Variants in HDLBP observed in about 807,000 individuals in gnomAD.
HDLBP encodes the protein vigilin.
A neutral mutation model predicts 137.3 loss-of-function variants in HDLBP; 30 were observed. That is an observed-to-expected ratio of 0.22 (90% CI 0.16 to 0.30). The LOEUF (loss-of-function observed/expected upper bound fraction) is 0.30. Among genes scored for constraint, HDLBP ranks in the 10% least tolerant of loss-of-function variants. The pLI, the probability that HDLBP is intolerant of heterozygous loss-of-function variation, is 1.00. For missense variants in HDLBP, 1,119 were observed against 1,667.3 expected, an observed-to-expected ratio of 0.67 and a Z score of 5.73; for synonymous variants, 606 against 596.0, an observed-to-expected ratio of 1.02 and a Z score of -0.24.
chr2:241,235,676 A>T, intron 21 of HDLBP, 82 bp from the exon 22 acceptor site: 1 of 929,370 alleles, frequency 1.1e-6, no homozygotes, highest in Non-Finnish European at 1.7e-6. Context: ...GCTCCACGAA[A>T]CACAAGGCAA....
At chr2:241,253,599 C>A (rs559036654) in intron 9 of HDLBP, 102 bp from the exon 10 acceptor site, 18 of 764,394 alleles carry the variant, frequency 2.4e-5, no homozygotes, top group Admixed American at 1.0e-4. Flanking sequence ...TGATCCCAAA[C>A]TGCTTCACAT....
Position 241,233,682 on chromosome 2 carries a change from G to T in HDLBP, c.3288+138C>A. 1.1e-6 allele frequency: 1 copy of T among 881,722 alleles called. No individual in the cohort carries two copies. The highest frequency in any genetic ancestry group is 1.8e-6 in the Non-Finnish European group (1 of 566,608). 54.6% of individuals were successfully genotyped at this position (881,722 alleles called of 1,614,324 possible). On this transcript the variant is annotated intron_variant, in intron 24 of 27. Coordinates refer to ENST00000310931, the MANE Select transcript of HDLBP (RefSeq NM_005336.6). This position sits in a 1 kb window ranked among gnomAD's most constrained non-coding sequence, Gnocchi z 4.3. ...GAGACACAGCCCAAACCTCAAGCCA[G>T]AATTAGGTCCTGAGAGACTTGCCAC...
In HDLBP at chr2:241,228,683, C is replaced by CGGCT. The variant is rs2069364019; in HGVS notation, c.*914_*917dup. 6.5e-6 allele frequency: 1 copy of CGGCT among 152,732 alleles called. No homozygotes were observed. 9.5% of individuals were successfully genotyped at this position (152,732 alleles called of 1,614,324 possible). ...TAACTGCACAGAGACCACTCCACGC[C>CGGCT]GGCTGAGGTAGAAAGAAGGCAACTG... On this transcript the variant is annotated 3_prime_UTR_variant, in exon 28 of 28. Transcript: ENST00000310931.
chr2:241,265,230 C>A (rs561828892), intron 3 of HDLBP, among the ~76,000 whole-genome samples: 1 of 152,306 alleles, frequency 6.6e-6, no homozygotes, highest in Non-Finnish European at 1.5e-5. Context: ...ACCAGCCTGA[C>A]CAACATGGAG....
intron 2 of HDLBP, chr2:241,267,608 G>A (rs2073775872): frequency 1.3e-6 from 2 of 1,535,596 alleles, no homozygotes; most frequent in African/African-American, 2.7e-5. Context: ...CATCATGACA[G>A]TTGCTACAAA....
At position 241,252,944 on chromosome 2, in the gene HDLBP, C is replaced by A. The variant is rs376707591; in HGVS notation, c.1372+13G>T. The A allele has an allele frequency of 6.3e-7, 1 of 1,589,692 alleles. No individual in the cohort carries two copies. On this transcript the variant is annotated intron_variant, in intron 11 of 27. Transcript: ENST00000310931. ...GGCACACTGGCCCCACCGCAACAGACAGCCTCACTCACTGTTGGCACCGCT... is the reference window on the plus strand; with the variant it reads ...GGCACACTGGCCCCACCGCAACAGAAAGCCTCACTCACTGTTGGCACCGCT...
Position 241,268,545 on chromosome 2 carries a change from G to A in HDLBP, c.-102-4C>T. On this transcript the variant is annotated splice_polypyrimidine_tract_variant and splice_region_variant and intron_variant, in intron 1 of 27. Transcript: ENST00000310931. The stretch of plus-strand genomic sequence containing the variant: ...TCTGTCAGCCTGCCAGCTTTTGCTG[G>A]TATGGGATGGGAAGTGGGAGAGGAG... The A allele has an allele frequency of 1.0e-6, 1 of 976,522 alleles. No homozygotes were observed. The highest frequency in any genetic ancestry group is 1.2e-6 in the Non-Finnish European group (1 of 821,444). 60.5% of individuals were successfully genotyped at this position (976,522 alleles called of 1,614,324 possible). A position where few individuals can be genotyped will look rare whatever the true frequency, so the allele number is the denominator to read the frequency against.
At chr2:241,244,727 A>G (rs2071531182) in intron 16 of HDLBP, among the ~76,000 whole-genome samples, 1 of 152,254 alleles carries the variant, frequency 6.6e-6, no homozygotes, top group Non-Finnish European at 1.5e-5. Context: ...ACGCCAAGAA[A>G]TGAAGAGCTC....
At chr2:241,257,807 T>G (rs143561533) in intron 5 of HDLBP, among the ~76,000 whole-genome samples, 161 of 152,294 alleles carry the variant, frequency 1.1e-3, no homozygotes, top group African/African-American at 2.9e-3. Context: ...GTGTTAACAG[T>G]GGTCCTAGAC....
At chr2:241,301,905 C>G (rs1575051652) in intron 1 of HDLBP, among the ~76,000 whole-genome samples, 1 of 151,974 alleles carries the variant, frequency 6.6e-6, no homozygotes, top group Non-Finnish European at 1.5e-5. Context: ...GAGCAAGTCA[C>G]TTGTTTCAAA....
rs11555546 is a variant in HDLBP, at chr2:241,230,795, G to A, written c.3438C>T (p.Arg1146=). Residue 1146 remains arginine, a synonymous_variant, in exon 25 of 28, where the codon CGC becomes CGT. Coordinates refer to ENST00000310931, the MANE Select transcript of HDLBP (RefSeq NM_005336.6). The surrounding 1 kb of genome is among the most constrained non-coding windows in gnomAD (Gnocchi z 5.0). The part of the protein sequence containing the change: ...HRVHARIIGA[R]GKAIRKIMDE... ...CCATGATTTTGCGAATGGCTTTGCC[G>A]CGGGCACCAATGATGCGGGCGTGAA... 4 of 1,614,104 alleles carry A rather than the reference G, an allele frequency of 2.5e-6. No individual in the cohort carries two copies. The highest frequency in any genetic ancestry group is 2.2e-5 in the South Asian group (2 of 91,090).
At position 241,306,466 on chromosome 2, in the gene HDLBP, T is replaced by A. The variant is rs368379037; in HGVS notation, c.-103+9104A>T. ...TAGAGACGGGGCTTCTCCATGTTGG[T>A]CAGGCCAGTCTCGAACTCCTGACCT... On this transcript the variant is annotated intron_variant, in intron 1 of 27. Transcript: ENST00000310931. 8.5e-3 allele frequency among the ~76,000 whole-genome samples: 1,284 copies of A among 151,888 alleles called. 23 individuals carry two copies. Among genetic ancestry groups the A allele is most frequent in the African/African-American group, 0.029 (1,209 of 41,454 alleles).
rs1025747166 is a variant in HDLBP, at chr2:241,239,155, T to G, written c.2611-368A>C. The stretch of plus-strand genomic sequence containing the variant: ...GGGGAGTGGCCTGGAGGGGACACTC[T>G]CTAAAGACTGCTTCTAAAGACCACG... On this transcript the variant is annotated intron_variant, in intron 19 of 27. Coordinates refer to ENST00000310931, the MANE Select transcript of HDLBP (RefSeq NM_005336.6). This position sits in a 1 kb window ranked among gnomAD's most constrained non-coding sequence, Gnocchi z 4.6. Among the ~76,000 whole-genome samples, 4 of 152,190 alleles carry G rather than the reference T, an allele frequency of 2.6e-5. No homozygotes were observed. The highest frequency in any genetic ancestry group is 4.4e-5 in the Non-Finnish European group (3 of 68,024).
At position 241,256,273 on chromosome 2, in the gene HDLBP, T is replaced by C. The variant is rs1442356090; in HGVS notation, c.784A>G (p.Ser262Gly). ...AAGACAATCTCTGTCCGGTTCACGCTGGGTGGGGGGATGTTGATGCGCGTG... is the reference window on the plus strand; with the variant it reads ...AAGACAATCTCTGTCCGGTTCACGCCGGGTGGGGGGATGTTGATGCGCGTG... ...TGTRINIPPP[S>G]VNRTEIVFTG... The change falls in exon 7 of 28, where the codon AGC becomes GGC. Residue 262 changes from serine to glycine, a missense_variant. Coordinates refer to ENST00000310931, the MANE Select transcript of HDLBP (RefSeq NM_005336.6). 3.7e-6 allele frequency: 6 copies of C among 1,614,068 alleles called. No individual in the cohort carries two copies. The Admixed American group carries it at 6.7e-5, about 18-fold the overall frequency.
chr2:241,284,856 T>C (rs546107255), intron 1 of HDLBP, among the ~76,000 whole-genome samples: 1 of 152,324 alleles, frequency 6.6e-6, no homozygotes, highest in Non-Finnish European at 1.5e-5. Flanking sequence ...TCAATGATCA[T>C]GAGCATTTTT....
intron 1 of HDLBP, chr2:241,268,908 GC>G (rs1559527977): frequency 2.0e-5 from 3 of 152,162 alleles, no homozygotes; most frequent in African/African-American, 7.2e-5. Context: ...CCACATAACC[GC>G]TGGGCGGCTG....
chr2:241,252,250 C>T (rs2072258419), intron 11 of HDLBP, among the ~76,000 whole-genome samples: 1 of 151,312 alleles, frequency 6.6e-6, no homozygotes, highest in Non-Finnish European at 1.5e-5. Flanking sequence ...ACTTTTAATC[C>T]CAGCACCTTG....
At chr2:241,264,159 G>C (rs940956718) in intron 4 of HDLBP, among the ~76,000 whole-genome samples, 2 of 151,884 alleles carry the variant, frequency 1.3e-5, no homozygotes, top group East Asian at 1.9e-4. Flanking sequence ...GTCAGGAGAT[G>C]GAGACCATCC....
chr2:241,234,396 CAAAGGCT>C (rs1392728185), intron 23 of HDLBP, among the ~76,000 whole-genome samples: 1 of 152,218 alleles, frequency 6.6e-6, no homozygotes, highest in East Asian at 1.9e-4. Flanking sequence ...CACCCATGGC[CAAAGGCT>C]ACAGGTATGA....
Sources: gnomAD v4.1 joint callset for allele counts (sites outside exome capture counted in the v4.1 genomes callset) on GRCh38, gnomAD v4.1.1 for gene constraint, Gnocchi (gnomAD v3.1) non-coding constraint, MANE v1.5 for transcripts, NCBI Gene and HGNC (gene_info 2026-07-23, HGNC 2026-07-21) for gene names.